ZCCHC7: variants seen among roughly 807,000 people sequenced by gnomAD.
ZCCHC7 encodes the protein zinc finger CCHC-type containing 7.
Under a neutral mutation model 52.0 loss-of-function variants are expected in ZCCHC7, and 35 were observed. The observed-to-expected ratio is 0.67, with a 90% CI of 0.51 to 0.89. ZCCHC7 has a LOEUF of 0.89. ZCCHC7 is among the 40% of genes least tolerant of loss of function. The pLI, the probability that ZCCHC7 is intolerant of heterozygous loss-of-function variation, is 0.00. For synonymous variants in ZCCHC7, 217 were observed against 221.5 expected (o/e 0.98, Z 0.18); for missense variants, 574 against 649.1 (o/e 0.88, Z 1.26).
chr9:37,311,775 G>T (rs569844825), intron 5 of ZCCHC7, among the ~76,000 whole-genome samples: 2 of 152,292 alleles, frequency 1.3e-5, no homozygotes, highest in East Asian at 1.9e-4. Context: ...ATTTTTCACA[G>T]TGCAAAAGTT....
chr9:37,248,378 G>A (rs1826172101), intron 2 of ZCCHC7, among the ~76,000 whole-genome samples: 1 of 152,198 alleles, frequency 6.6e-6, no homozygotes, highest in African/African-American at 2.4e-5. Flanking sequence ...AAATTAAAAT[G>A]ATGTTATTGC....
intron 2 of ZCCHC7, among the ~76,000 whole-genome samples, chr9:37,192,927 A>C (rs1823092942): frequency 6.6e-6 from 1 of 152,174 alleles, no homozygotes; most frequent in South Asian, 2.1e-4. Context: ...TTAGATGTTC[A>C]ATGGAACAGT....
chr9:37,290,178 TCC>T (rs1484445496), intron 2 of ZCCHC7, among the ~76,000 whole-genome samples: 1 of 152,240 alleles, frequency 6.6e-6, no homozygotes, highest in African/African-American at 2.4e-5. Context: ...GATATGTATA[TCC>T]CAAGCATCTA....
intron 2 of ZCCHC7, among the ~76,000 whole-genome samples, chr9:37,199,678 G>T (rs150325452): frequency 0.069 from 4,710 of 67,932 alleles, 237 homozygotes; most frequent in African/African-American, 0.24. Context: ...CTTTCTCTCT[G>T]TCTGTCTGTC....
intron 6 of ZCCHC7, among the ~76,000 whole-genome samples, chr9:37,349,063 C>T (rs1034537162): frequency 7.9e-5 from 12 of 152,174 alleles, no homozygotes; most frequent in Non-Finnish European, 1.5e-4. Flanking sequence ...GTATATGCCT[C>T]TCATGTTCTG....
rs117729689 is a variant in ZCCHC7, at chr9:37,261,343, C to T, written c.611-40845C>T. Among the ~76,000 whole-genome samples the T allele has an allele frequency of 4.0e-3, 602 of 152,302 alleles. 1 individual carries two copies. The highest frequency in any genetic ancestry group is 0.014 in the African/African-American group (561 of 41,552). The stretch of plus-strand genomic sequence containing the variant: ...AAAGGTAAAGACGTCAAAGTCAACA[C>T]ACAGACCCCAGATTGCACTCAGCCA... On this transcript the variant is annotated intron_variant, in intron 2 of 8. Coordinates refer to ENST00000336755, the MANE Select transcript of ZCCHC7 (RefSeq NM_032226.3).
intron 2 of ZCCHC7, among the ~76,000 whole-genome samples, chr9:37,290,258 G>A (rs894327902): frequency 6.6e-6 from 1 of 152,098 alleles, no homozygotes; most frequent in Non-Finnish European, 1.5e-5. Flanking sequence ...GGTAAATATT[G>A]GGAATAATTG....
chr9:37,172,667 G>A (rs1339820031), intron 2 of ZCCHC7, among the ~76,000 whole-genome samples: 1 of 152,216 alleles, frequency 6.6e-6, no homozygotes, highest in Non-Finnish European at 1.5e-5. Context: ...AGCAATGTGG[G>A]CATTCCAATA....
chr9:37,149,432 A>C (rs568880056), intron 2 of ZCCHC7, among the ~76,000 whole-genome samples: 10 of 152,212 alleles, frequency 6.6e-5, no homozygotes, highest in African/African-American at 2.4e-4. Context: ...TAGCAGAAAA[A>C]AATACCCCCC....
intron 2 of ZCCHC7, among the ~76,000 whole-genome samples, chr9:37,136,989 A>C (rs539761058): frequency 6.6e-6 from 1 of 152,252 alleles, no homozygotes; most frequent in South Asian, 2.1e-4. Context: ...TAATTTGGTG[A>C]CATTTTATGA....
intron 2 of ZCCHC7, among the ~76,000 whole-genome samples, chr9:37,203,879 C>T (rs1823764180): frequency 6.6e-6 from 1 of 152,128 alleles, no homozygotes; most frequent in Non-Finnish European, 1.5e-5. Context: ...TGAGTAATTG[C>T]CACACTGTCT....
intron 2 of ZCCHC7, among the ~76,000 whole-genome samples, chr9:37,142,129 T>G (rs1843254212): frequency 6.6e-6 from 1 of 151,708 alleles, no homozygotes; most frequent in Non-Finnish European, 1.5e-5. Context: ...TAAATTAACA[T>G]AAAATAATAA....
At chr9:37,283,664 CAGTT>C (rs994295571) in intron 2 of ZCCHC7, among the ~76,000 whole-genome samples, 8 of 152,156 alleles carry the variant, frequency 5.3e-5, no homozygotes, top group East Asian at 3.9e-4. Flanking sequence ...ATAGGCACCT[CAGTT>C]AGATCATAGT....
At chr9:37,310,986 A>G (rs1829573928) in intron 5 of ZCCHC7, among the ~76,000 whole-genome samples, 1 of 151,262 alleles carries the variant, frequency 6.6e-6, no homozygotes. Flanking sequence ...AAAAATCAAT[A>G]TATTATAAAA....
At chr9:37,153,662 A>G (rs1401429225) in intron 2 of ZCCHC7, among the ~76,000 whole-genome samples, 2 of 151,332 alleles carry the variant, frequency 1.3e-5, no homozygotes, top group Non-Finnish European at 2.9e-5. Context: ...TGGAGCAATA[A>G]TATTGGTCAT....
At position 37,306,762 on chromosome 9, in the gene ZCCHC7, C is replaced by CTTTTTTTTTTTTTTTTTTT. The variant is rs869292704; in HGVS notation, c.951+1072_951+1090dup. On this transcript the variant is annotated intron_variant, in intron 5 of 8. Transcript: ENST00000336755. ...ACAGGCATGAGCCACTGTACCCGAC[C>CTTTTTTTTTTTTTTTTTTT]TTTTTTTTTTTTTTTTTTTTTTTTT... Among the ~76,000 whole-genome samples, 5 of 52,034 alleles carry CTTTTTTTTTTTTTTTTTTT rather than the reference C, an allele frequency of 9.6e-5. 1 individual carries two copies. Among genetic ancestry groups the CTTTTTTTTTTTTTTTTTTT allele is most frequent in the Non-Finnish European group, 7.5e-5 (2 of 26,720 alleles). 34.1% of individuals were successfully genotyped at this position (52,034 alleles called of 152,430 possible). A position where few individuals can be genotyped will look rare whatever the true frequency, so the allele number is the denominator to read the frequency against.
At chr9:37,315,867 A>G (rs1454967482) in intron 5 of ZCCHC7, among the ~76,000 whole-genome samples, 1 of 129,980 alleles carries the variant, frequency 7.7e-6, no homozygotes, top group African/African-American at 2.9e-5. Context: ...AAAGTTCTAT[A>G]TAAGCATCCC....
At chr9:37,208,747 T>A (rs949676392) in intron 2 of ZCCHC7, among the ~76,000 whole-genome samples, 6 of 152,196 alleles carry the variant, frequency 3.9e-5, no homozygotes, top group African/African-American at 1.4e-4. Context: ...TATCATAGTT[T>A]GAACTGTTGG....
At chr9:37,236,486 C>G (rs901953308) in intron 2 of ZCCHC7, among the ~76,000 whole-genome samples, 1 of 151,584 alleles carries the variant, frequency 6.6e-6, no homozygotes, top group South Asian at 2.1e-4. Context: ...CCGCCTCCTG[C>G]GTTCACGCCA....
Sources: allele counts gnomAD v4.1 joint callset (sites outside exome capture counted in the v4.1 genomes callset), GRCh38; gene constraint gnomAD v4.1.1; transcripts MANE v1.5; gene names NCBI Gene and HGNC (gene_info 2026-07-23, HGNC 2026-07-21).